Variants in FMN2 observed in about 807,000 individuals in gnomAD.
The protein encoded by FMN2 is formin 2.
A neutral mutation model predicts 142.3 loss-of-function variants in FMN2; 51 were observed. The observed-to-expected ratio is 0.36, with a 90% CI of 0.29 to 0.45. The LOEUF (loss-of-function observed/expected upper bound fraction) is 0.45, where lower values mean the gene tolerates loss of function less well. FMN2 is among the 20% of genes least tolerant of loss of function. The probability of loss-of-function intolerance (pLI) is 1.00; values close to 1 mark genes in which losing one functional copy is unlikely to be tolerated. For missense variants in FMN2, 1,936 were observed against 2,122.8 expected, an observed-to-expected ratio of 0.91 and a Z score of 1.73; for synonymous variants, 882 against 869.8, an observed-to-expected ratio of 1.01 and a Z score of -0.25.
chr1:240,405,891 T>C (rs1353120605), intron 15 of FMN2, among the ~76,000 whole-genome samples: 1 of 152,160 alleles, frequency 6.6e-6, no homozygotes, highest in Non-Finnish European at 1.5e-5. Flanking sequence ...TGCCTACAAG[T>C]TACAAAGGAT....
chr1:240,126,317 C>A (rs931670709), intron 2 of FMN2, among the ~76,000 whole-genome samples: 5 of 152,056 alleles, frequency 3.3e-5, no homozygotes, highest in Non-Finnish European at 7.3e-5. Flanking sequence ...CCCTTCGAGA[C>A]AGAACATGCT....
At chr1:240,402,713 T>G (rs1241494376) in intron 15 of FMN2, among the ~76,000 whole-genome samples, 1 of 152,258 alleles carries the variant, frequency 6.6e-6, no homozygotes, top group Admixed American at 6.5e-5. Flanking sequence ...TGATTGTTTT[T>G]ATTTCCTACA....
intron 14 of FMN2, among the ~76,000 whole-genome samples, chr1:240,376,509 T>C (rs910400909): frequency 6.6e-6 from 1 of 152,056 alleles, no homozygotes. Context: ...ATCAAAAAAC[T>C]TCAACAAAAA....
intron 2 of FMN2, among the ~76,000 whole-genome samples, chr1:240,129,927 A>G (rs1558310232): frequency 6.6e-6 from 1 of 152,058 alleles, no homozygotes. Flanking sequence ...GTTTTCTTTC[A>G]TAATACTTCT....
In FMN2 at chr1:240,249,917, C is replaced by T. The variant is rs545067046; in HGVS notation, c.4066-8028C>T. On this transcript the variant is annotated intron_variant, in intron 6 of 17. Transcript: ENST00000319653. Reference sequence around the variant, plus strand: ...CTAGTTCATTATTGTTCTGTAGGAACTAGTGATTTTTGTATGTTGATTTTG... The same window carrying T: ...CTAGTTCATTATTGTTCTGTAGGAATTAGTGATTTTTGTATGTTGATTTTG... 3.9e-5 allele frequency among the ~76,000 whole-genome samples: 6 copies of T among 152,098 alleles called. No homozygotes were observed. The East Asian group carries it at 1.2e-3, about 29-fold the overall frequency.
intron 3 of FMN2, among the ~76,000 whole-genome samples, chr1:240,185,639 C>G (rs1665413307): frequency 6.6e-6 from 1 of 152,162 alleles, no homozygotes; most frequent in Non-Finnish European, 1.5e-5. Context: ...CAGAAGTTTA[C>G]TTTTTGGGTC....
At chr1:240,330,252 A>G (rs1423453689) in intron 10 of FMN2, among the ~76,000 whole-genome samples, 3 of 152,182 alleles carry the variant, frequency 2.0e-5, no homozygotes, top group Non-Finnish European at 1.5e-5. Context: ...TAGTGATGTT[A>G]TTTTGTAATA....
intron 13 of FMN2, among the ~76,000 whole-genome samples, chr1:240,340,955 C>G (rs1403553113): frequency 6.6e-6 from 1 of 152,132 alleles, no homozygotes; most frequent in Non-Finnish European, 1.5e-5. Flanking sequence ...TTTCCTGAAA[C>G]TCCTTTTAGA....
intron 15 of FMN2, chr1:240,400,649 C>G (rs1354288983): frequency 1.3e-5 from 2 of 152,126 alleles, no homozygotes. Context: ...AGCTTTGAGG[C>G]CTTGAATATT....
At chr1:240,157,973 C>CAAAA (rs1491130670) in intron 2 of FMN2, among the ~76,000 whole-genome samples, 4 of 102,408 alleles carry the variant, frequency 3.9e-5, no homozygotes, top group African/African-American at 1.9e-4. Context: ...TCTGTCTCTA[C>CAAAA]TAAAAAAAAA....
chr1:240,127,894 C>T (rs866784505), intron 2 of FMN2, among the ~76,000 whole-genome samples: 5 of 152,194 alleles, frequency 3.3e-5, no homozygotes, highest in Middle Eastern at 3.4e-3. Context: ...TGGGGCAGGA[C>T]GGTGACAGGG....
chr1:240,426,640 C>T (rs181110210), intron 15 of FMN2, among the ~76,000 whole-genome samples: 1 of 152,254 alleles, frequency 6.6e-6, no homozygotes, highest in Non-Finnish European at 1.5e-5. Flanking sequence ...ACCCTACCCG[C>T]TTGCCTCCTC....
chr1:240,101,274 C>T (rs916298199), intron 1 of FMN2, among the ~76,000 whole-genome samples: 1 of 152,130 alleles, frequency 6.6e-6, no homozygotes, highest in Non-Finnish European at 1.5e-5. Context: ...GTGATTCCAG[C>T]AGGTACCTTT....
In FMN2 at chr1:240,336,582, A is replaced by AAAAAAAAAAAAAAG. The variant is rs144682452; in HGVS notation, c.4765+2353_4765+2354insAAAAAAAAAAAAAG. Among the ~76,000 whole-genome samples the AAAAAAAAAAAAAAG allele has an allele frequency of 9.5e-4, 97 of 101,886 alleles. 18 individuals carry two copies. Among genetic ancestry groups the AAAAAAAAAAAAAAG allele is most frequent in the South Asian group, 2.8e-3 (7 of 2,468 alleles). 66.8% of individuals were successfully genotyped at this position (101,886 alleles called of 152,430 possible). A position where few individuals can be genotyped will look rare whatever the true frequency, so the allele number is the denominator to read the frequency against. ...AAAAAAAAAAAAAAAAAAAAAAAAA[A>AAAAAAAAAAAAAAG]GGTGGTTGCAATTGTTTTCCCATTT... On this transcript the variant is annotated intron_variant, in intron 13 of 17. Transcript: ENST00000319653.
Position 240,181,950 on chromosome 1 carries a change from A to G in FMN2, c.1930+3882A>G, listed in dbSNP as rs1031901143. The stretch of plus-strand genomic sequence containing the variant: ...TGTCATCTGAATGCTTTACGTATTG[A>G]ATTTTTCTGTTTATACATATACATG... On this transcript the variant is annotated intron_variant, in intron 3 of 17. Transcript: ENST00000319653. Among the ~76,000 whole-genome samples, 15 of 152,222 alleles carry G rather than the reference A, an allele frequency of 9.9e-5. No individual in the cohort carries two copies. The South Asian group carries it at 3.1e-3, about 32-fold the overall frequency.
At position 240,207,053 on chromosome 1, in the gene FMN2, C is replaced by T. The variant is rs761871971; in HGVS notation, c.2241C>T (p.Ser747=). 3 of 1,614,118 alleles carry T rather than the reference C, an allele frequency of 1.9e-6. No individual in the cohort carries two copies. The highest frequency in any genetic ancestry group is 8.5e-7 in the Non-Finnish European group (1 of 1,179,998). Residue 747 remains serine, a synonymous_variant, in exon 5 of 18, where the codon TCC becomes TCT. Transcript: ENST00000319653. ...RILEAKSIQT[S]PTEEGGVLTL... ...TAGAGGCGAAATCGATACAGACTTC[C>T]CCCACGGAAGAGGGCGGGGTGCTGA...
Position 240,092,083 on chromosome 1 carries a change from G to T in FMN2, c.-27G>T. 6.5e-7 allele frequency: 1 copy of T among 1,533,572 alleles called. No individual in the cohort carries two copies. Among genetic ancestry groups the T allele is most frequent in the Non-Finnish European group, 8.8e-7 (1 of 1,141,554 alleles). 95.0% of individuals were successfully genotyped at this position (1,533,572 alleles called of 1,614,324 possible). A position where few individuals can be genotyped will look rare whatever the true frequency, so the allele number is the denominator to read the frequency against. ...CCGGGATGGCCTGAGTGCCCGCGGCGCGGCGGCGCAGCAGCGGGATTGCAC... is the reference window on the plus strand; with the variant it reads ...CCGGGATGGCCTGAGTGCCCGCGGCTCGGCGGCGCAGCAGCGGGATTGCAC... On this transcript the variant is annotated 5_prime_UTR_variant, in exon 1 of 18. Coordinates refer to ENST00000319653, the MANE Select transcript of FMN2 (RefSeq NM_020066.5).
intron 15 of FMN2, among the ~76,000 whole-genome samples, chr1:240,434,621 A>T (rs1305820738): frequency 6.7e-6 from 1 of 150,062 alleles, no homozygotes; most frequent in Non-Finnish European, 1.5e-5. Flanking sequence ...GAGTGCAGTG[A>T]CGCTATCTCA....
intron 14 of FMN2, among the ~76,000 whole-genome samples, chr1:240,377,573 G>A (rs1406851870): frequency 1.3e-5 from 2 of 152,076 alleles, no homozygotes; most frequent in Non-Finnish European, 2.9e-5. Context: ...GACTCTAGAA[G>A]CTGCCCACAT....
Sources: allele counts gnomAD v4.1 joint callset (sites outside exome capture counted in the v4.1 genomes callset), GRCh38; gene constraint gnomAD v4.1.1; transcripts MANE v1.5; gene names NCBI Gene and HGNC (gene_info 2026-07-23, HGNC 2026-07-21).